The following LRCOL1 variants were observed in gnomAD, a reference collection of about 807,000 sequenced individuals.
The protein encoded by LRCOL1 is leucine rich colipase like 1, also known as leucine-rich colipase-like protein 1.
A neutral mutation model predicts 21.6 loss-of-function variants in LRCOL1; 21 were observed. That is an observed-to-expected ratio of 0.97 (90% confidence interval 0.69 to 1.40). The LOEUF is 1.40. LRCOL1 is among the 40% of genes most tolerant of loss of function. The probability of loss-of-function intolerance (pLI) is 0.00; values close to 1 mark genes in which losing one functional copy is unlikely to be tolerated. For synonymous variants in LRCOL1, 98 were observed against 90.1 expected (o/e 1.09, Z -0.49); for missense variants, 198 against 202.3 (o/e 0.98, Z 0.13).
Position 132,606,487 on chromosome 12 carries a change from A to G in LRCOL1, c.-13-223T>C, listed in dbSNP as rs369727084. Among the ~76,000 whole-genome samples, 13 of 152,304 alleles carry G rather than the reference A, an allele frequency of 8.5e-5. No homozygotes were observed. In the East Asian group the frequency reaches 2.3e-3, roughly 27 times the overall value. On this transcript the variant is annotated intron_variant, in intron 1 of 5. Transcript: ENST00000376608. This position sits in a 1 kb window ranked among gnomAD's most constrained non-coding sequence, Gnocchi z 4.6. ...TATGCCACCTTCTTTCCCCTGCCTC[A>G]GTTTCCCCTATTATAAACATGCTGC...
intron 5 of LRCOL1, chr12:132,603,826 T>C: frequency 1.0e-6 from 1 of 985,392 alleles, no homozygotes; most frequent in Non-Finnish European, 1.2e-6. Context: ...CGAGCACGGC[T>C]TGTCCCATGG....
Position 132,606,305 on chromosome 12 carries a change from G to A in LRCOL1, c.-13-41C>T. 6.6e-7 allele frequency: 1 copy of A among 1,505,426 alleles called. No individual in the cohort carries two copies. The highest frequency in any genetic ancestry group is 8.9e-7 in the Non-Finnish European group (1 of 1,121,466). 93.3% of individuals were successfully genotyped at this position (1,505,426 alleles called of 1,614,324 possible). ...ATTGTGTGGGAGTGTGTCCACGCCA[G>A]CCTTGTCCTGCCTGGCACCTGGTGC... On this transcript the variant is annotated intron_variant, in intron 1 of 5. Transcript: ENST00000376608. The surrounding 1 kb of genome is among the most constrained non-coding windows in gnomAD (Gnocchi z 4.6).
At chr12:132,605,031 A>G (rs1419801745) in intron 2 of LRCOL1, 200 bp from the exon 3 acceptor site, 23 of 1,411,296 alleles carry the variant, frequency 1.6e-5, no homozygotes, top group Non-Finnish European at 2.0e-5. Flanking sequence ...GAGAAAGGGA[A>G]TGTCTACTGT....
intron 5 of LRCOL1, 153 bp from the exon 6 acceptor site, chr12:132,603,557 G>C (rs548172224): frequency 5.0e-4 from 496 of 985,352 alleles, no homozygotes; most frequent in Non-Finnish European, 5.7e-4. Flanking sequence ...CGCTCAGCTC[G>C]CGAGAGGGAC....
intron 1 of LRCOL1, among the ~76,000 whole-genome samples, chr12:132,608,864 C>T (rs1055298420): frequency 1.5e-4 from 23 of 152,194 alleles, no homozygotes; most frequent in African/African-American, 5.3e-4. Flanking sequence ...CAAACCTTTT[C>T]GTAGGTCCTT....
chr12:132,609,966 G>A (rs773058243), intron 1 of LRCOL1, among the ~76,000 whole-genome samples: 90 of 152,202 alleles, frequency 5.9e-4, no homozygotes, highest in African/African-American at 1.6e-3. Context: ...TAAAAAGCTC[G>A]ATGCTAAATC....
chr12:132,606,010 T>C lies in LRCOL1; in HGVS notation c.105+137A>G, dbSNP rs1250783065. The C allele has an allele frequency of 1.3e-6, 1 of 747,526 alleles. No homozygotes were observed. Among genetic ancestry groups the C allele is most frequent in the Non-Finnish European group, 2.1e-6 (1 of 466,306 alleles). 46.3% of individuals were successfully genotyped at this position (747,526 alleles called of 1,614,324 possible). On this transcript the variant is annotated intron_variant, in intron 2 of 5. Coordinates refer to ENST00000376608, the MANE Select transcript of LRCOL1 (RefSeq NM_001195520.2). This position sits in a 1 kb window ranked among gnomAD's most constrained non-coding sequence, Gnocchi z 4.6. The stretch of plus-strand genomic sequence containing the variant: ...GGAGGGTTTCATCCAGGAAGGCGCT[T>C]TGTGTCCCTTTGAGACCCTCCTGAC...
In LRCOL1 at chr12:132,604,257, G is replaced by C; in HGVS notation, c.474C>G (p.Pro158=). ...PRTGILAQCL[P]L ...TGAGCCCCCGCCCGGGACTTACCAG[G>C]GGCAGGCACTGGGCCAGGATCCCGG... Residue 158 remains proline, a synonymous_variant, in exon 5 of 6, where the codon CCC becomes CCG. Transcript: ENST00000376608. 6.5e-7 allele frequency: 1 copy of C among 1,533,696 alleles called. No homozygotes were observed. The highest frequency in any genetic ancestry group is 8.7e-7 in the Non-Finnish European group (1 of 1,145,846).
At position 132,606,241 on chromosome 12, in the gene LRCOL1, G is replaced by A. The variant is rs777384759; in HGVS notation, c.11C>T (p.Pro4Leu). 9.1e-6 allele frequency: 14 copies of A among 1,536,232 alleles called. No homozygotes were observed. The highest frequency in any genetic ancestry group is 2.0e-5 in the Admixed American group (1 of 50,970). MAG[P>L]GWTLLLLLLL... ...CAGCAGTAGCAGCAGCGTCCACCCC[G>A]GGCCGGCCATCGGGTGTGTGGACCT... is the stretch of plus-strand genomic sequence containing the variant. The change falls in exon 2 of 6, where the codon CCG (proline) becomes CTG (leucine). Residue 4 changes from proline (P) to leucine (L), a missense_variant. By Grantham distance (98) the Pro-to-Leu change is moderately conservative. Transcript: ENST00000376608. The surrounding 1 kb of genome is among the most constrained non-coding windows in gnomAD (Gnocchi z 4.6).
chr12:132,604,080 G>T, intron 5 of LRCOL1, 174 bp downstream of exon 5: 1 of 1,424,024 alleles, frequency 7.0e-7, no homozygotes, highest in East Asian at 2.6e-5. Flanking sequence ...CTTCTCTGCG[G>T]CCCCCACCTT....
intron 1 of LRCOL1, among the ~76,000 whole-genome samples, chr12:132,608,365 C>A (rs75558832): frequency 6.6e-6 from 1 of 152,206 alleles, no homozygotes; most frequent in African/African-American, 2.4e-5. Flanking sequence ...CCTGCCACTG[C>A]GTGAGCACCA....
chr12:132,604,203 C>A, intron 5 of LRCOL1, 51 bp downstream of exon 5: 2 of 1,494,380 alleles, frequency 1.3e-6, no homozygotes, highest in South Asian at 2.6e-5. Flanking sequence ...TGCGACTTCC[C>A]TGTGGCGGCC....
Position 132,603,163 on chromosome 12 carries a change from G to A in LRCOL1, c.*239C>T. On this transcript the variant is annotated 3_prime_UTR_variant, in exon 6 of 6. Transcript: ENST00000376608. ...GAGACACGGCTGCTCAGTCGGCCAG[G>A]AGCCTTTATTGATGTTTAACAATCA... 3 of 501,172 alleles carry A rather than the reference G, an allele frequency of 6.0e-6. No homozygotes were observed. The highest frequency in any genetic ancestry group is 7.7e-5 in the South Asian group (2 of 26,084). 31.0% of individuals were successfully genotyped at this position (501,172 alleles called of 1,614,324 possible).
At chr12:132,608,414 C>CA (rs1388601865) in intron 1 of LRCOL1, among the ~76,000 whole-genome samples, 1 of 152,224 alleles carries the variant, frequency 6.6e-6, no homozygotes, top group African/African-American at 2.4e-5. Context: ...CACAGGAAGT[C>CA]AAAGGTCAAA....
At chr12:132,605,589 C>T (rs1231682066) in intron 2 of LRCOL1, among the ~76,000 whole-genome samples, 2 of 151,902 alleles carry the variant, frequency 1.3e-5, no homozygotes, top group African/African-American at 2.4e-5. Flanking sequence ...TTTAGCCAGG[C>T]GTGGTGGCGC....
chr12:132,610,067 C>G (rs1378547115), intron 1 of LRCOL1, among the ~76,000 whole-genome samples: 2 of 152,218 alleles, frequency 1.3e-5, no homozygotes, highest in Non-Finnish European at 2.9e-5. Flanking sequence ...GTGCTGTAAC[C>G]CCTGCCCAGA....
intron 1 of LRCOL1, among the ~76,000 whole-genome samples, chr12:132,609,175 G>A (rs76443349): frequency 0.017 from 2,579 of 152,298 alleles, 63 homozygotes; most frequent in African/African-American, 0.057. Context: ...CTGAGGGAAC[G>A]AGCCCCTCTC....
rs112975396 is a variant in LRCOL1 at position 132,606,197 on chromosome 12, CCAG to C, written c.52_54del (p.Leu18del). 1,707 of 976,066 alleles carry C rather than the reference CCAG, an allele frequency of 1.7e-3. 1 individual carries two copies. The highest frequency in any genetic ancestry group is 4.1e-3 in the South Asian group (164 of 39,608). 60.5% of individuals were successfully genotyped at this position (976,066 alleles called of 1,614,324 possible). ...TGTGGCCCATACCCTGCCATGGACCCCAGCAGCAGCAGCAGCAGCAGCAGTAGC... is the reference window on the plus strand; with the variant it reads ...TGTGGCCCATACCCTGCCATGGACCCCAGCAGCAGCAGCAGCAGCAGTAGC... On this transcript the variant is annotated inframe_deletion, in exon 2 of 6. Coordinates refer to ENST00000376608, the MANE Select transcript of LRCOL1 (RefSeq NM_001195520.2). The surrounding 1 kb of genome is among the most constrained non-coding windows in gnomAD (Gnocchi z 4.6).
In LRCOL1 at chr12:132,603,759, G is replaced by C. The variant is rs186018169; in HGVS notation, c.478-355C>G. On this transcript the variant is annotated intron_variant, in intron 5 of 5. Transcript: ENST00000376608. ...CTTGCGCCCCCACCGCGTTTGCGCC[G>C]CTGGCGACCTGGCCCCCTCCCCTGG... 109 of 985,436 alleles carry C rather than the reference G, an allele frequency of 1.1e-4. 1 individual carries two copies. The East Asian group carries it at 7.8e-3, about 71-fold the overall frequency. The allele number at this position is 985,436 out of a possible 1,614,324, so 61.0% of individuals were successfully genotyped here.
Sources: gnomAD v4.1 joint callset for allele counts (sites outside exome capture counted in the v4.1 genomes callset) on GRCh38, gnomAD v4.1.1 for gene constraint, Gnocchi (gnomAD v3.1) non-coding constraint, MANE v1.5 for transcripts, NCBI Gene and HGNC (gene_info 2026-07-23, HGNC 2026-07-21) for gene names.